The following NLGN1 variants were observed in gnomAD, a reference collection of about 807,000 sequenced individuals.
NLGN1 encodes neuroligin-1.
A neutral mutation model predicts 65.5 loss-of-function variants in NLGN1; 12 were observed. That is an observed-to-expected ratio of 0.18 (90% CI 0.12 to 0.30). The LOEUF is 0.30. Among genes scored for constraint, NLGN1 ranks in the 10% least tolerant of loss-of-function variants. The pLI is 1.00. For synonymous variants in NLGN1, 350 were observed against 359.5 expected (o/e 0.97, Z 0.30); for missense variants, 750 against 1,007.1 (o/e 0.74, Z 3.46).
chr3:173,985,765 C>G (rs1431349055), intron 4 of NLGN1, among the ~76,000 whole-genome samples: 1 of 151,956 alleles, frequency 6.6e-6, no homozygotes, highest in African/African-American at 2.4e-5. Flanking sequence ...GCCTGGCCAA[C>G]ATGGCAAAAC....
At chr3:173,693,720 A>G (rs554096452) in intron 3 of NLGN1, among the ~76,000 whole-genome samples, 11 of 152,188 alleles carry the variant, frequency 7.2e-5, no homozygotes, top group African/African-American at 1.9e-4. Context: ...GAACAAAAAA[A>G]CAGGAAATGG....
intron 2 of NLGN1, among the ~76,000 whole-genome samples, chr3:173,453,028 T>C (rs2148855664): frequency 6.6e-6 from 1 of 152,274 alleles, no homozygotes; most frequent in South Asian, 2.1e-4. Context: ...TGTGTCTTAA[T>C]GGTGATGGCT....
intron 4 of NLGN1, among the ~76,000 whole-genome samples, chr3:173,950,572 G>A (rs942803468): frequency 6.6e-6 from 1 of 152,076 alleles, no homozygotes; most frequent in African/African-American, 2.4e-5. Flanking sequence ...GAGCACTTTG[G>A]GAGGCCTAGG....
chr3:173,755,599 A>G (rs1367872609), intron 3 of NLGN1, among the ~76,000 whole-genome samples: 2 of 152,126 alleles, frequency 1.3e-5, no homozygotes, highest in African/African-American at 4.8e-5. Context: ...AAGCAGGCAC[A>G]TAAAGACAGA....
At chr3:173,855,896 C>T (rs980420346) in intron 4 of NLGN1, among the ~76,000 whole-genome samples, 6 of 152,090 alleles carry the variant, frequency 3.9e-5, no homozygotes, top group Non-Finnish European at 5.9e-5. Flanking sequence ...CACATCACTA[C>T]CATAATTTTA....
chr3:173,652,402 C>A (rs796235213), intron 3 of NLGN1, among the ~76,000 whole-genome samples: 5 of 152,146 alleles, frequency 3.3e-5, no homozygotes, highest in African/African-American at 1.2e-4. Context: ...AGTTTCGGGT[C>A]TTACATTTAA....
chr3:173,904,782 G>T (rs760466047), intron 4 of NLGN1, among the ~76,000 whole-genome samples: 1 of 152,074 alleles, frequency 6.6e-6, no homozygotes, highest in African/African-American at 2.4e-5. Flanking sequence ...TCAACAAAGC[G>T]GTGGTGATAA....
intron 3 of NLGN1, among the ~76,000 whole-genome samples, chr3:173,652,488 A>C (rs1759356986): frequency 6.6e-6 from 1 of 151,966 alleles, no homozygotes; most frequent in Non-Finnish European, 1.5e-5. Context: ...TACATATGGC[A>C]ATTCCCAGCA....
At chr3:173,942,142 ATGTG>A (rs1275579907) in intron 4 of NLGN1, among the ~76,000 whole-genome samples, 2 of 123,064 alleles carry the variant, frequency 1.6e-5, no homozygotes, top group African/African-American at 6.3e-5. Context: ...GTGTGTGTGT[ATGTG>A]TGTGTGTGTG....
At chr3:173,861,157 A>G (rs963026518) in intron 4 of NLGN1, among the ~76,000 whole-genome samples, 3 of 152,208 alleles carry the variant, frequency 2.0e-5, no homozygotes, top group African/African-American at 4.8e-5. Flanking sequence ...AAATTTAAAT[A>G]CACACTTTAA....
intron 4 of NLGN1, among the ~76,000 whole-genome samples, chr3:174,235,054 T>C (rs968211540): frequency 4.8e-5 from 7 of 146,976 alleles, no homozygotes; most frequent in Non-Finnish European, 8.9e-5. Context: ...CAGCCAGTTT[T>C]TTTTAGTATT....
At chr3:174,254,089 G>A (rs1000216347) in intron 4 of NLGN1, among the ~76,000 whole-genome samples, 4 of 152,136 alleles carry the variant, frequency 2.6e-5, no homozygotes, top group Non-Finnish European at 4.4e-5. Context: ...TCCCCTTGGC[G>A]TTGGTAAACA....
At chr3:173,593,566 G>A (rs1409087332) in intron 2 of NLGN1, among the ~76,000 whole-genome samples, 1 of 152,188 alleles carries the variant, frequency 6.6e-6, no homozygotes, top group African/African-American at 2.4e-5. Flanking sequence ...ACTAGGGAAG[G>A]AAGTCTTATT....
chr3:173,657,629 C>T (rs2149676283), intron 3 of NLGN1, among the ~76,000 whole-genome samples: 1 of 151,912 alleles, frequency 6.6e-6, no homozygotes, highest in Admixed American at 6.6e-5. Flanking sequence ...AAACTTGGTT[C>T]ACACTCTTGT....
chr3:173,662,039 A>G (rs1159213282), intron 3 of NLGN1, among the ~76,000 whole-genome samples: 1 of 152,048 alleles, frequency 6.6e-6, no homozygotes, highest in African/African-American at 2.4e-5. Context: ...GTTTGTACCT[A>G]GTAAATTCCT....
At chr3:173,597,719 C>G (rs1340605117) in intron 2 of NLGN1, among the ~76,000 whole-genome samples, 2 of 151,392 alleles carry the variant, frequency 1.3e-5, no homozygotes, top group Non-Finnish European at 2.9e-5. Context: ...ATAAATATTT[C>G]TATCACCAGA....
At chr3:174,059,866 G>A (rs188840503) in intron 4 of NLGN1, among the ~76,000 whole-genome samples, 1 of 152,206 alleles carries the variant, frequency 6.6e-6, no homozygotes, top group African/African-American at 2.4e-5. Flanking sequence ...GCTGCATTTG[G>A]CAGCATAACA....
intron 4 of NLGN1, among the ~76,000 whole-genome samples, chr3:174,117,698 A>G (rs1297095118): frequency 6.6e-6 from 1 of 151,992 alleles, no homozygotes; most frequent in Non-Finnish European, 1.5e-5. Context: ...CAAGAGGTCC[A>G]TGTCTAACAC....
At chr3:173,874,052 A>G (rs189107563) in intron 4 of NLGN1, among the ~76,000 whole-genome samples, 1 of 152,346 alleles carries the variant, frequency 6.6e-6, no homozygotes, top group Admixed American at 6.5e-5. Context: ...AAGAGGCCTC[A>G]GAAGAAATCT....
Sources: allele counts gnomAD v4.1 joint callset (sites outside exome capture counted in the v4.1 genomes callset), GRCh38; gene constraint gnomAD v4.1.1; transcripts MANE v1.5; gene names NCBI Gene and HGNC (gene_info 2026-07-23, HGNC 2026-07-21).